CPVL: variants seen among roughly 807,000 people sequenced by gnomAD.
CPVL encodes carboxypeptidase vitellogenic like, also known as probable serine carboxypeptidase CPVL.
CPVL carries 51 observed loss-of-function variants against 63.7 expected under a neutral mutation model. The ratio of observed to expected loss-of-function variants is 0.80; its 90% CI spans 0.64 to 1.01. The LOEUF (loss-of-function observed/expected upper bound fraction) is 1.01, where lower values mean the gene tolerates loss of function less well. Ranked by LOEUF, CPVL falls within the 50% of genes least tolerant of loss-of-function variation. CPVL has a pLI of 0.00. For missense variants in CPVL, 530 were observed against 573.1 expected (o/e 0.92, Z 0.77); for synonymous variants, 195 against 206.0 (o/e 0.95, Z 0.46).
chr7:29,160,428 A>G (rs1041635990), intron 5 of CPVL, among the ~76,000 whole-genome samples: 1 of 152,114 alleles, frequency 6.6e-6, no homozygotes. Context: ...AGTTTGGGCA[A>G]TAATGTACCC....
chr7:29,190,687 A>G (rs45173), intron 1 of CPVL, among the ~76,000 whole-genome samples: 26,025 of 152,166 alleles, frequency 0.17, 2,283 homozygotes, highest in African/African-American at 0.19. Flanking sequence ...CAAAGGTAGT[A>G]TCCTTACATG....
chr7:29,071,748 G>T, intron 9 of CPVL, 25 bp downstream of exon 9: 1 of 1,588,384 alleles, frequency 6.3e-7, no homozygotes, highest in Non-Finnish European at 8.6e-7. Flanking sequence ...TTGCTCAAGG[G>T]CAGCACAGGG....
At chr7:29,029,725 G>C (rs1319077819) in intron 12 of CPVL, among the ~76,000 whole-genome samples, 1 of 152,120 alleles carries the variant, frequency 6.6e-6, no homozygotes, top group African/African-American at 2.4e-5. Context: ...ATAAATTCTA[G>C]TGTTCAATAG....
chr7:29,054,341 G>A (rs1790500206), intron 11 of CPVL, among the ~76,000 whole-genome samples: 1 of 151,968 alleles, frequency 6.6e-6, no homozygotes, highest in Non-Finnish European at 1.5e-5. Flanking sequence ...GATTCTAAAT[G>A]CACTTGAAAT....
At chr7:29,011,473 G>A (rs1300631325) in intron 12 of CPVL, 2 of 152,248 alleles carry the variant, frequency 1.3e-5, no homozygotes, top group Non-Finnish European at 2.9e-5. Context: ...TACCTGGGAT[G>A]CTGAGGTGGG....
At chr7:29,158,928 G>A (rs1002870575) in intron 5 of CPVL, among the ~76,000 whole-genome samples, 2 of 152,196 alleles carry the variant, frequency 1.3e-5, no homozygotes, top group Admixed American at 6.5e-5. Context: ...CTAGAGGAAT[G>A]TAACTGAAAA....
intron 3 of CPVL, among the ~76,000 whole-genome samples, chr7:29,100,941 A>G (rs1314751400): frequency 1.3e-5 from 2 of 152,218 alleles, no homozygotes; most frequent in Non-Finnish European, 2.9e-5. Flanking sequence ...CCAAAACCCC[A>G]AGAGTCAGTT....
intron 12 of CPVL, chr7:29,010,094 CAA>C (rs1457805388): frequency 1.3e-5 from 2 of 152,042 alleles, no homozygotes; most frequent in Non-Finnish European, 2.9e-5. Context: ...TGAACTGAAA[CAA>C]AGTCAAAAGT....
intron 5 of CPVL, among the ~76,000 whole-genome samples, chr7:29,156,670 G>A (rs900736003): frequency 1.3e-5 from 2 of 152,110 alleles, no homozygotes; most frequent in Non-Finnish European, 2.9e-5. Flanking sequence ...CATTATTGGT[G>A]TAATTTTGAC....
At chr7:29,025,354 C>T (rs1192529400) in intron 12 of CPVL, among the ~76,000 whole-genome samples, 1 of 152,182 alleles carries the variant, frequency 6.6e-6, no homozygotes, top group Non-Finnish European at 1.5e-5. Context: ...GCATGTGTTT[C>T]ACATGACAAG....
rs751478780 is a variant in CPVL, at chr7:29,030,746, T to C, written c.1151A>G (p.Asn384Ser). 1.3e-5 allele frequency: 21 copies of C among 1,606,004 alleles called. No individual in the cohort carries two copies. The highest frequency in any genetic ancestry group is 2.7e-5 in the African/African-American group (2 of 74,418). Residue 384 changes from asparagine to serine, a missense_variant, in exon 12 of 13, where the codon AAT becomes AGT. By Grantham distance (46) the Asn-to-Ser change is conservative (BLOSUM62 1). Transcript: ENST00000265394. ...IMNNYKVLIY[N>S]GQLDIIVAAA... ...TGCCACGATGATGTCCAGTTGGCCATTGTAGATCAGAACCTGAAATGAAAT... is the reference window on the plus strand; with the variant it reads ...TGCCACGATGATGTCCAGTTGGCCACTGTAGATCAGAACCTGAAATGAAAT...
rs553673957 is a variant in CPVL at position 29,181,860 on chromosome 7, A to AG, written c.-133-449dup. Among the ~76,000 whole-genome samples the AG allele has an allele frequency of 2.5e-3, 387 of 152,098 alleles. 3 individuals are homozygous for AG. Among genetic ancestry groups the AG allele is most frequent in the Non-Finnish European group, 4.4e-3 (299 of 67,978 alleles). On this transcript the variant is annotated intron_variant, in intron 4 of 16. Transcript: ENST00000409850. ...CAGGCTGCTAAACTGCTAATTCCTA[A>AG]GGGGGGGAAAAGTACCTAAGTATTT...
intron 12 of CPVL, among the ~76,000 whole-genome samples, chr7:29,013,705 C>A (rs1280487226): frequency 6.6e-6 from 1 of 152,212 alleles, no homozygotes; most frequent in African/African-American, 2.4e-5. Context: ...TAGAGATGCA[C>A]CCCACTGGAC....
At chr7:29,071,739 TG>T in intron 9 of CPVL, 33 bp downstream of exon 9, 1 of 1,531,928 alleles carries the variant, frequency 6.5e-7, no homozygotes, top group Non-Finnish European at 8.8e-7. Context: ...TGGTTTTAAT[TG>T]CTCAAGGGCA....
chr7:29,109,726 C>T (rs1016416629), intron 3 of CPVL, among the ~76,000 whole-genome samples: 5 of 152,178 alleles, frequency 3.3e-5, no homozygotes, highest in African/African-American at 1.2e-4. Flanking sequence ...ACACCATGTA[C>T]ACTTAAAGAC....
At chr7:29,020,251 C>T (rs1383972133) in intron 12 of CPVL, among the ~76,000 whole-genome samples, 2 of 152,106 alleles carry the variant, frequency 1.3e-5, no homozygotes, top group African/African-American at 4.8e-5. Context: ...TTGAGGAGAT[C>T]GTGTGTGTGC....
chr7:28,997,534 T>C (rs1784205727), intron 12 of CPVL, among the ~76,000 whole-genome samples: 1 of 152,244 alleles, frequency 6.6e-6, no homozygotes, highest in Non-Finnish European at 1.5e-5. Flanking sequence ...CTCGCAGCTA[T>C]ACAAGCTGTG....
chr7:29,025,232 A>AGGTTTAATTGGC (rs144788374), intron 12 of CPVL, among the ~76,000 whole-genome samples: 44,020 of 151,950 alleles, frequency 0.29, 8,212 homozygotes, highest in African/African-American at 0.53. Flanking sequence ...TAAAGGAAAG[A>AGGTTTAATTGGC]GGTTTAATTG....
intron 12 of CPVL, among the ~76,000 whole-genome samples, chr7:29,003,847 G>A (rs1173220397): frequency 1.3e-5 from 2 of 152,060 alleles, no homozygotes; most frequent in African/African-American, 4.8e-5. Flanking sequence ...CCTCACATGC[G>A]CAGTTCACAA....
Sources: gnomAD v4.1 joint callset for allele counts (sites outside exome capture counted in the v4.1 genomes callset) on GRCh38, gnomAD v4.1.1 for gene constraint, MANE v1.5 for transcripts, NCBI Gene and HGNC (gene_info 2026-07-23, HGNC 2026-07-21) for gene names.